Variants in LRRFIP1 observed in about 807,000 individuals in gnomAD.
LRRFIP1 encodes the protein LRR binding FLII interacting protein 1.
In LRRFIP1, 62 loss-of-function variants were observed where a neutral mutation model predicts 104.4. The observed-to-expected ratio is 0.59, with a 90% CI of 0.48 to 0.73. LRRFIP1 has a LOEUF of 0.73. Ranked by LOEUF, LRRFIP1 falls within the 30% of genes least tolerant of loss-of-function variation. The pLI, the probability that LRRFIP1 is intolerant of heterozygous loss-of-function variation, is 0.00. For missense variants in LRRFIP1, 796 were observed against 824.5 expected (o/e 0.97, Z 0.42); for synonymous variants, 300 against 299.0 (o/e 1.00, Z -0.03).
chr2:237,660,771 G>C (rs116525432), intron 1 of LRRFIP1, among the ~76,000 whole-genome samples: 72 of 152,354 alleles, frequency 4.7e-4, no homozygotes, highest in African/African-American at 1.7e-3. Context: ...GAGCTAGATT[G>C]TTTAGCAAGA....
chr2:237,665,113 A>G (rs575492105), intron 1 of LRRFIP1, among the ~76,000 whole-genome samples: 1 of 152,368 alleles, frequency 6.6e-6, no homozygotes, highest in South Asian at 2.1e-4. Context: ...TTACTATTAA[A>G]TAATTTCTTA....
intron 19 of LRRFIP1, chr2:237,762,559 C>T (rs762452676): frequency 2.7e-5 from 40 of 1,461,536 alleles, no homozygotes; most frequent in Non-Finnish European, 3.4e-5. Flanking sequence ...ATTATGTGGC[C>T]GCCACATCAT....
chr2:237,659,638 T>A (rs921013280), intron 1 of LRRFIP1, among the ~76,000 whole-genome samples: 6 of 148,452 alleles, frequency 4.0e-5, no homozygotes, highest in South Asian at 4.2e-4. Flanking sequence ...TATTTTTATA[T>A]ACATATAAAT....
At chr2:237,730,473 G>A (rs1255199839) in intron 8 of LRRFIP1, among the ~76,000 whole-genome samples, 3 of 152,218 alleles carry the variant, frequency 2.0e-5, no homozygotes, top group Non-Finnish European at 1.5e-5. Flanking sequence ...GGATCACAAA[G>A]CTAAGCAGAG....
chr2:237,690,676 G>A lies in LRRFIP1; in HGVS notation c.97-17868G>A, dbSNP rs1270446639. 1.3e-4 allele frequency among the ~76,000 whole-genome samples: 20 copies of A among 151,630 alleles called. 1 individual carries two copies. The highest frequency in any genetic ancestry group is 4.8e-4 in the African/African-American group (20 of 41,260). ...CGCTGGAACCCGGGAGGCAGAGGTC[G>A]CGGTGAGCCGAGATCGCGCCATTGC... On this transcript the variant is annotated intron_variant, in intron 1 of 23. Coordinates refer to ENST00000308482, the MANE Select transcript of LRRFIP1 (RefSeq NM_001137550.2).
Position 237,767,974 on chromosome 2 carries a change from T to C in LRRFIP1, c.1460-1969T>C, listed in dbSNP as rs1167649060. Reference sequence around the variant, plus strand: ...TTTCAAGAGGAAAATCCTTTTGTTCTTTTTGTCCCTATCTACTGCCTCTCT... The same window carrying C: ...TTTCAAGAGGAAAATCCTTTTGTTCCTTTTGTCCCTATCTACTGCCTCTCT... On this transcript the variant is annotated intron_variant, in intron 19 of 23. Transcript: ENST00000308482. 3.3e-5 allele frequency among the ~76,000 whole-genome samples: 5 copies of C among 152,240 alleles called. No individual in the cohort carries two copies. The East Asian group carries it at 9.6e-4, about 29-fold the overall frequency.
At position 237,661,100 on chromosome 2, in the gene LRRFIP1, G is replaced by A. The variant is rs371073274; in HGVS notation, c.96+33360G>A. Among the ~76,000 whole-genome samples the A allele has an allele frequency of 8.7e-4, 132 of 152,224 alleles. No homozygotes were observed. Among genetic ancestry groups the A allele is most frequent in the Non-Finnish European group, 1.5e-3 (103 of 68,022 alleles). On this transcript the variant is annotated intron_variant, in intron 1 of 23. Coordinates refer to ENST00000308482, the MANE Select transcript of LRRFIP1 (RefSeq NM_001137550.2). The surrounding 1 kb of genome is among the most constrained non-coding windows in gnomAD (Gnocchi z 4.4). ...CCCACCGCTTCCTGGGTTGGGCTGC[G>A]GGGAGAGGCCTTGCTACAGTGGGTG... is the stretch of plus-strand genomic sequence containing the variant.
At chr2:237,773,050 C>A in intron 22 of LRRFIP1, 105 bp downstream of exon 22, 1 of 842,724 alleles carries the variant, frequency 1.2e-6, no homozygotes, top group Non-Finnish European at 2.0e-6. Flanking sequence ...ATTTTTAGAA[C>A]CAAGAAATGT....
Position 237,717,559 on chromosome 2 carries a change from C to G in LRRFIP1, c.202-203C>G, listed in dbSNP as rs1188376617. Among the ~76,000 whole-genome samples, 1 of 152,212 alleles carries G rather than the reference C, an allele frequency of 6.6e-6. No individual in the cohort carries two copies. Among genetic ancestry groups the G allele is most frequent in the African/African-American group, 2.4e-5 (1 of 41,456 alleles). On this transcript the variant is annotated intron_variant, in intron 3 of 23. Coordinates refer to ENST00000308482, the MANE Select transcript of LRRFIP1 (RefSeq NM_001137550.2). The surrounding 1 kb of genome is among the most constrained non-coding windows in gnomAD (Gnocchi z 4.2). ...GGGGTGGGCTGGGAGGATCTCTCTT[C>G]ACAGCTCACAGCCTGCATGACTGCA...
chr2:237,757,394 C>T (rs372452484), intron 16 of LRRFIP1, 62 bp from the exon 17 acceptor site: 15 of 1,103,432 alleles, frequency 1.4e-5, no homozygotes, highest in Middle Eastern at 2.0e-4. Flanking sequence ...GGTTCTCTCT[C>T]GGGCTGGGGT....
intron 19 of LRRFIP1, 131 bp downstream of exon 19, chr2:237,760,336 C>A: frequency 9.3e-7 from 1 of 1,073,046 alleles, no homozygotes; most frequent in Non-Finnish European, 1.3e-6. Flanking sequence ...TGTTTCATCA[C>A]TTCATGGTAA....
chr2:237,697,764 G>A (rs2093285648), intron 1 of LRRFIP1, among the ~76,000 whole-genome samples: 1 of 152,216 alleles, frequency 6.6e-6, no homozygotes, highest in South Asian at 2.1e-4. Context: ...GTGCTGCCTG[G>A]AGGGAAACCT....
intron 16 of LRRFIP1, 75 bp downstream of exon 16, chr2:237,756,262 T>G: frequency 1.8e-6 from 2 of 1,085,776 alleles, no homozygotes; most frequent in Non-Finnish European, 2.8e-6. Flanking sequence ...CTATCTTAGC[T>G]TAGGCTGCAG....
At chr2:237,743,783 G>A (rs770725564) in intron 11 of LRRFIP1, among the ~76,000 whole-genome samples, 8 of 152,120 alleles carry the variant, frequency 5.3e-5, no homozygotes, top group East Asian at 1.9e-4. Flanking sequence ...AAGGTGCCTC[G>A]AGAGAGCTGG....
At chr2:237,692,632 T>A in intron 1 of LRRFIP1, 4 of 1,323,716 alleles carry the variant, frequency 3.0e-6, no homozygotes, top group Non-Finnish European at 3.9e-6. Flanking sequence ...AGGCGTGGGG[T>A]GGGCTCTGGC....
At chr2:237,631,609 G>A (rs910398858) in intron 1 of LRRFIP1, among the ~76,000 whole-genome samples, 1 of 152,176 alleles carries the variant, frequency 6.6e-6, no homozygotes, top group Non-Finnish European at 1.5e-5. Context: ...CTTCTGGGGA[G>A]GGGTGTTTCC....
At position 237,649,868 on chromosome 2, in the gene LRRFIP1, C is replaced by G. The variant is rs1353247825; in HGVS notation, c.96+22128C>G. Among the ~76,000 whole-genome samples, 1 of 151,954 alleles carries G rather than the reference C, an allele frequency of 6.6e-6. No individual in the cohort carries two copies. The highest frequency in any genetic ancestry group is 1.5e-5 in the Non-Finnish European group (1 of 67,956). On this transcript the variant is annotated intron_variant, in intron 1 of 23. Transcript: ENST00000308482. The surrounding 1 kb of genome is among the most constrained non-coding windows in gnomAD (Gnocchi z 4.1). ...CAACAAAAAAAAAAATTGATTACCCCCCGGCATGTCCTAATATACTGCAGC... is the reference window on the plus strand; with the variant it reads ...CAACAAAAAAAAAAATTGATTACCCGCCGGCATGTCCTAATATACTGCAGC...
At chr2:237,660,730 C>T (rs1466493037) in intron 1 of LRRFIP1, among the ~76,000 whole-genome samples, 3 of 152,160 alleles carry the variant, frequency 2.0e-5, no homozygotes, top group African/African-American at 4.8e-5. Context: ...AGGAGTGCCA[C>T]GAGCTCCTGT....
intron 15 of LRRFIP1, among the ~76,000 whole-genome samples, chr2:237,754,647 G>T (rs1332774256): frequency 1.3e-5 from 2 of 152,178 alleles, no homozygotes; most frequent in Admixed American, 6.5e-5. Context: ...CAACCTTCAG[G>T]CCTGCTTCTT....
Sources: allele counts gnomAD v4.1 joint callset (sites outside exome capture counted in the v4.1 genomes callset), GRCh38; gene constraint gnomAD v4.1.1; non-coding constraint Gnocchi (gnomAD v3.1); transcripts MANE v1.5; gene names NCBI Gene and HGNC (gene_info 2026-07-23, HGNC 2026-07-21).